Variants in HOOK3 observed in about 807,000 individuals in gnomAD.
HOOK3 encodes the protein hook microtubule tethering protein 3, also known as protein Hook homolog 3.
In HOOK3, 24 loss-of-function variants were observed where a neutral mutation model predicts 116.3. The observed-to-expected ratio is 0.21, with a 90% confidence interval of 0.15 to 0.29. HOOK3 has a LOEUF of 0.29. HOOK3 is among the 10% of genes least tolerant of loss of function. HOOK3 has a pLI of 1.00. For synonymous variants in HOOK3, 275 were observed against 283.0 expected (o/e 0.97, Z 0.28); for missense variants, 632 against 830.2 (o/e 0.76, Z 2.93).
chr8:42,938,640 C>T (rs1808023871), intron 4 of HOOK3, among the ~76,000 whole-genome samples: 1 of 152,092 alleles, frequency 6.6e-6, no homozygotes, highest in Non-Finnish European at 1.5e-5. Context: ...TTTATTTCTC[C>T]TTCACTTGTG....
intron 2 of HOOK3, among the ~76,000 whole-genome samples, chr8:42,911,859 A>G (rs927980825): frequency 6.6e-6 from 1 of 152,166 alleles, no homozygotes; most frequent in Non-Finnish European, 1.5e-5. Context: ...ATGTGTCATG[A>G]GTGTAGTTTG....
At chr8:42,938,920 TAAC>T in intron 4 of HOOK3, among the ~76,000 whole-genome samples, 1 of 152,158 alleles carries the variant, frequency 6.6e-6, no homozygotes, top group East Asian at 1.9e-4. Context: ...TGATGACTCT[TAAC>T]GAGCATGCTG....
At chr8:42,905,281 T>G (rs1417135758) in intron 1 of HOOK3, among the ~76,000 whole-genome samples, 1 of 145,324 alleles carries the variant, frequency 6.9e-6, no homozygotes, top group Non-Finnish European at 1.5e-5. Flanking sequence ...AGTTTTTACC[T>G]TTAGGACATA....
intron 13 of HOOK3, among the ~76,000 whole-genome samples, chr8:42,977,018 C>T (rs970155142): frequency 2.0e-5 from 3 of 152,096 alleles, no homozygotes. Context: ...TAAAATAGTG[C>T]CCCAGATGTT....
chr8:42,919,654 T>C (rs1458173315), intron 2 of HOOK3, among the ~76,000 whole-genome samples: 1 of 152,144 alleles, frequency 6.6e-6, no homozygotes, highest in Non-Finnish European at 1.5e-5. Context: ...CTGGGCAACA[T>C]TGAGCACTGA....
Position 43,025,114 on chromosome 8 carries a change from CAA to C in HOOK3, c.*6617_*6618del, listed in dbSNP as rs1410365146. 45 of 212,724 alleles carry C rather than the reference CAA, an allele frequency of 2.1e-4. 1 individual carries two copies. In the Admixed American group the frequency reaches 2.6e-3, roughly 12 times the overall value. The allele number at this position is 212,724 out of a possible 1,614,324, so 13.2% of individuals were successfully genotyped here. On this transcript the variant is annotated 3_prime_UTR_variant, in exon 22 of 22. Transcript: ENST00000307602. ...GAGAAAGGGACATTTGTTTGAGAAA[CAA>C]GAGACCTGTACCTAATTATGGCAAG...
chr8:42,949,179 A>AT (rs1171146703), intron 5 of HOOK3, among the ~76,000 whole-genome samples: 2 of 152,098 alleles, frequency 1.3e-5, no homozygotes, highest in African/African-American at 4.8e-5. Flanking sequence ...TGTTGTTTGG[A>AT]TGTATGGGGT....
chr8:43,018,214 G>A (rs1238229150), intron 21 of HOOK3, 144 bp from the exon 22 acceptor site: 1 of 710,008 alleles, frequency 1.4e-6, no homozygotes, highest in Non-Finnish European at 2.1e-6. Context: ...GCCTCTATGA[G>A]ATTTTAATCT....
chr8:42,965,033 A>C (rs1808608354), intron 9 of HOOK3, among the ~76,000 whole-genome samples: 1 of 152,208 alleles, frequency 6.6e-6, no homozygotes, highest in East Asian at 1.9e-4. Flanking sequence ...GGAGTACCCC[A>C]CACCTGCCCC....
At chr8:42,920,497 T>G (rs1807636091) in intron 2 of HOOK3, among the ~76,000 whole-genome samples, 1 of 152,118 alleles carries the variant, frequency 6.6e-6, no homozygotes, top group South Asian at 2.1e-4. Flanking sequence ...TTAAGCAAAT[T>G]TACTGAGAAG....
chr8:42,906,087 CAA>C (rs35347216), intron 1 of HOOK3, 84 bp from the exon 2 acceptor site: 25,998 of 356,828 alleles, frequency 0.073, 2 homozygotes, highest in South Asian at 0.099. Flanking sequence ...ACTCCGTCTC[CAA>C]AAAAAAAAAA....
At chr8:42,897,252 C>A in intron 1 of HOOK3, 64 bp downstream of exon 1, 1 of 1,129,300 alleles carries the variant, frequency 8.9e-7, no homozygotes, top group Non-Finnish European at 1.1e-6. Flanking sequence ...GGACCCTCCA[C>A]GCGCGGCCCG....
Position 43,022,686 on chromosome 8 carries a change from C to G in HOOK3, c.*4188C>G, listed in dbSNP as rs985297741. The G allele has an allele frequency of 2.2e-5, 4 of 181,440 alleles. No homozygotes were observed. Among genetic ancestry groups the G allele is most frequent in the Non-Finnish European group, 4.7e-5 (4 of 85,138 alleles). The allele number at this position is 181,440 out of a possible 1,614,324, so 11.2% of individuals were successfully genotyped here. A position where few individuals can be genotyped will look rare whatever the true frequency, so the allele number is the denominator to read the frequency against. ...TTGAAAAACTCCGTCATATCTTTTA[C>G]CATTTGTCTATTTGATAGTAATGCA... is the stretch of plus-strand genomic sequence containing the variant. On this transcript the variant is annotated 3_prime_UTR_variant, in exon 22 of 22. Coordinates refer to ENST00000307602, the MANE Select transcript of HOOK3 (RefSeq NM_032410.4).
chr8:42,897,076 A>G lies in HOOK3; in HGVS notation c.-56A>G. 1 of 1,215,060 alleles carries G rather than the reference A, an allele frequency of 8.2e-7. No homozygotes were observed. Among genetic ancestry groups the G allele is most frequent in the Non-Finnish European group, 1.0e-6 (1 of 967,238 alleles). 75.3% of individuals were successfully genotyped at this position (1,215,060 alleles called of 1,614,324 possible). A position where few individuals can be genotyped will look rare whatever the true frequency, so the allele number is the denominator to read the frequency against. Reference sequence around the variant, plus strand: ...TGCGCGGGCCCCCGGATCCCCCGACAGAGCGGCGGCGGTGTCTGGCCAGGC... The same window carrying G: ...TGCGCGGGCCCCCGGATCCCCCGACGGAGCGGCGGCGGTGTCTGGCCAGGC... On this transcript the variant is annotated 5_prime_UTR_variant, in exon 1 of 22. Coordinates refer to ENST00000307602, the MANE Select transcript of HOOK3 (RefSeq NM_032410.4).
At chr8:42,991,906 C>T (rs1353306302) in intron 15 of HOOK3, among the ~76,000 whole-genome samples, 1 of 152,164 alleles carries the variant, frequency 6.6e-6, no homozygotes, top group Non-Finnish European at 1.5e-5. Context: ...TTTAACAATA[C>T]TGATTCTTCT....
chr8:43,024,831 C>T lies in HOOK3; in HGVS notation c.*6333C>T, dbSNP rs1039686717. Reference sequence around the variant, plus strand: ...AACAGAGCTAATTTCCACCCAATCCCTCAAATTACCGAAGTATTAATATTT... The same window carrying T: ...AACAGAGCTAATTTCCACCCAATCCTTCAAATTACCGAAGTATTAATATTT... On this transcript the variant is annotated 3_prime_UTR_variant, in exon 22 of 22. Coordinates refer to ENST00000307602, the MANE Select transcript of HOOK3 (RefSeq NM_032410.4). The T allele has an allele frequency of 1.9e-5, 4 of 206,570 alleles. No homozygotes were observed. Among genetic ancestry groups the T allele is most frequent in the African/African-American group, 9.1e-5 (4 of 43,854 alleles). The allele number at this position is 206,570 out of a possible 1,614,324, so 12.8% of individuals were successfully genotyped here.
At chr8:43,012,399 A>C (rs1341357685) in intron 19 of HOOK3, among the ~76,000 whole-genome samples, 1 of 152,202 alleles carries the variant, frequency 6.6e-6, no homozygotes, top group Non-Finnish European at 1.5e-5. Flanking sequence ...TTATAATCTT[A>C]CGGGACCACC....
At chr8:42,939,294 C>T (rs1226056166) in intron 4 of HOOK3, among the ~76,000 whole-genome samples, 94 of 152,184 alleles carry the variant, frequency 6.2e-4, no homozygotes, top group South Asian at 8.3e-4. Context: ...GTAGGGGCGG[C>T]CGGGCAGAGG....
chr8:42,953,724 TTTATAC>T (rs2130401877), intron 6 of HOOK3, among the ~76,000 whole-genome samples: 1 of 152,282 alleles, frequency 6.6e-6, no homozygotes, highest in African/African-American at 2.4e-5. Flanking sequence ...TGCCTCTGAA[TTTATAC>T]TTAAAGTGGT....
Sources: gnomAD v4.1 joint callset for allele counts (sites outside exome capture counted in the v4.1 genomes callset) on GRCh38, gnomAD v4.1.1 for gene constraint, MANE v1.5 for transcripts, NCBI Gene and HGNC (gene_info 2026-07-23, HGNC 2026-07-21) for gene names.